HS6ST3: variants seen among roughly 807,000 people sequenced by gnomAD.
HS6ST3 encodes heparan sulfate 6-O-sulfotransferase 3.
A neutral mutation model predicts 36.7 loss-of-function variants in HS6ST3; 12 were observed. That is an observed-to-expected ratio of 0.33 (90% CI 0.21 to 0.53). HS6ST3 has a LOEUF of 0.53. Among genes scored for constraint, HS6ST3 ranks in the 20% least tolerant of loss-of-function variants. The pLI, the probability that HS6ST3 is intolerant of heterozygous loss-of-function variation, is 0.95. For missense variants in HS6ST3, 584 were observed against 640.9 expected, an observed-to-expected ratio of 0.91 and a Z score of 0.96; for synonymous variants, 240 against 257.5, an observed-to-expected ratio of 0.93 and a Z score of 0.65.
intron 1 of HS6ST3, among the ~76,000 whole-genome samples, chr13:96,550,719 G>T (rs999682754): frequency 3.3e-5 from 5 of 152,036 alleles, no homozygotes; most frequent in Admixed American, 6.6e-5. Flanking sequence ...AGGGAGGAAT[G>T]ATTAATTTAA....
At chr13:96,673,986 T>G (rs1481551265) in intron 1 of HS6ST3, among the ~76,000 whole-genome samples, 1 of 152,166 alleles carries the variant, frequency 6.6e-6, no homozygotes, top group Non-Finnish European at 1.5e-5. Context: ...CACGGTGAGG[T>G]GATAAAAACT....
chr13:96,112,650 C>T (rs1374745815), intron 1 of HS6ST3, among the ~76,000 whole-genome samples: 3 of 131,256 alleles, frequency 2.3e-5, no homozygotes, highest in Non-Finnish European at 4.8e-5. Context: ...CACCTGTGGT[C>T]CCAGCTACTC....
At chr13:96,668,835 C>CCTTTT (rs1458839951) in intron 1 of HS6ST3, among the ~76,000 whole-genome samples, 1 of 149,026 alleles carries the variant, frequency 6.7e-6, no homozygotes, top group Non-Finnish European at 1.5e-5. Flanking sequence ...GCACATTAGT[C>CCTTTT]TTACATTTAC....
chr13:96,240,618 T>C (rs1383204359), intron 1 of HS6ST3, among the ~76,000 whole-genome samples: 1 of 151,924 alleles, frequency 6.6e-6, no homozygotes, highest in Non-Finnish European at 1.5e-5. Flanking sequence ...TGGAAAAACA[T>C]CCAGACTGGT....
chr13:96,323,189 T>C (rs928922612), intron 1 of HS6ST3, among the ~76,000 whole-genome samples: 41 of 152,322 alleles, frequency 2.7e-4, no homozygotes, highest in African/African-American at 8.9e-4. Flanking sequence ...TGACACTTCT[T>C]TTAGATATCT....
chr13:96,105,887 A>C (rs894843232), intron 1 of HS6ST3, among the ~76,000 whole-genome samples: 10 of 152,186 alleles, frequency 6.6e-5, no homozygotes, highest in African/African-American at 2.2e-4. Context: ...GGACAAAATG[A>C]CTTGGAAATA....
intron 1 of HS6ST3, among the ~76,000 whole-genome samples, chr13:96,231,828 A>G (rs1190619570): frequency 3.3e-5 from 5 of 152,210 alleles, no homozygotes; most frequent in Non-Finnish European, 7.3e-5. Flanking sequence ...GACTGCTGAT[A>G]GAGTACATAG....
intron 1 of HS6ST3, among the ~76,000 whole-genome samples, chr13:96,180,437 G>T (rs1226047008): frequency 6.6e-6 from 1 of 152,014 alleles, no homozygotes; most frequent in African/African-American, 2.4e-5. Context: ...TGTTCTTGTT[G>T]CTTTCGAAAA....
chr13:96,797,035 G>A lies in HS6ST3; in HGVS notation c.708-35455G>A, dbSNP rs148778298. Among the ~76,000 whole-genome samples, 563 of 152,104 alleles carry A rather than the reference G, an allele frequency of 3.7e-3. 2 individuals carry two copies. The highest frequency in any genetic ancestry group is 6.5e-3 in the Non-Finnish European group (440 of 67,978). ...GCCACCTTTCAAAGTCCTCATGTTC[G>A]AAAAAATCCATTTATGAGATGGAGA... On this transcript the variant is annotated intron_variant, in intron 1 of 1. Transcript: ENST00000376705.
intron 1 of HS6ST3, among the ~76,000 whole-genome samples, chr13:96,776,116 G>A (rs771500609): frequency 1.3e-5 from 2 of 152,120 alleles, no homozygotes; most frequent in Non-Finnish European, 2.9e-5. Flanking sequence ...AATGAAGGCA[G>A]AAATAAATAA....
chr13:96,153,939 A>G (rs892099861), intron 1 of HS6ST3, among the ~76,000 whole-genome samples: 5 of 152,210 alleles, frequency 3.3e-5, no homozygotes, highest in African/African-American at 9.6e-5. Context: ...CTGAATTTTC[A>G]TTCCACCCCA....
At chr13:96,715,379 C>CT (rs564972353) in intron 1 of HS6ST3, among the ~76,000 whole-genome samples, 1 of 151,884 alleles carries the variant, frequency 6.6e-6, no homozygotes. Context: ...TTATGTTTTA[C>CT]TTTTTTTAGC....
At chr13:96,560,958 T>C (rs779349261) in intron 1 of HS6ST3, among the ~76,000 whole-genome samples, 3 of 152,182 alleles carry the variant, frequency 2.0e-5, no homozygotes, top group Non-Finnish European at 4.4e-5. Context: ...AAAATGGCTA[T>C]ACTGTCCAAA....
At chr13:96,674,594 G>A (rs183026735) in intron 1 of HS6ST3, among the ~76,000 whole-genome samples, 33 of 152,188 alleles carry the variant, frequency 2.2e-4, no homozygotes, top group African/African-American at 7.7e-4. Flanking sequence ...CCCTCTATTA[G>A]ACGTTTCCTC....
At chr13:96,132,058 T>G (rs1042538955) in intron 1 of HS6ST3, among the ~76,000 whole-genome samples, 2 of 151,726 alleles carry the variant, frequency 1.3e-5, no homozygotes, top group African/African-American at 4.8e-5. Context: ...GTCCTCTAGG[T>G]TCATCCATGT....
At chr13:96,244,287 A>C (rs1396308160) in intron 1 of HS6ST3, among the ~76,000 whole-genome samples, 2 of 152,172 alleles carry the variant, frequency 1.3e-5, no homozygotes, top group Non-Finnish European at 1.5e-5. Flanking sequence ...GGTGTACTGA[A>C]TAGGAAAGAA....
At chr13:96,270,122 G>A (rs1434174215) in intron 1 of HS6ST3, among the ~76,000 whole-genome samples, 1 of 151,802 alleles carries the variant, frequency 6.6e-6, no homozygotes, top group Admixed American at 6.6e-5. Context: ...CCCATTCCTT[G>A]TAAAAGAGGC....
intron 1 of HS6ST3, among the ~76,000 whole-genome samples, chr13:96,733,596 A>G (rs533063082): frequency 3.9e-4 from 59 of 152,348 alleles, no homozygotes; most frequent in African/African-American, 1.3e-3. Flanking sequence ...TTCTATAACA[A>G]TTTTGATATT....
At chr13:96,556,900 G>A (rs1481050614) in intron 1 of HS6ST3, among the ~76,000 whole-genome samples, 1 of 152,168 alleles carries the variant, frequency 6.6e-6, no homozygotes, top group Admixed American at 6.6e-5. Context: ...TCATGGCTCA[G>A]GATATTTTGG....
Sources: allele counts gnomAD v4.1 joint callset (sites outside exome capture counted in the v4.1 genomes callset), GRCh38; gene constraint gnomAD v4.1.1; transcripts MANE v1.5; gene names NCBI Gene and HGNC (gene_info 2026-07-23, HGNC 2026-07-21).